The following MALRD1 variants were observed in gnomAD, a reference collection of about 807,000 sequenced individuals.
MALRD1 encodes the protein MAM and LDL-receptor class A domain-containing protein 1.
MALRD1 carries 247 observed loss-of-function variants against 242.1 expected under a neutral mutation model. The observed-to-expected ratio is 1.02, with a 90% confidence interval of 0.92 to 1.13. The LOEUF (loss-of-function observed/expected upper bound fraction) is 1.13. MALRD1 is among the 50% of genes most tolerant of loss of function. The pLI is 0.00. For synonymous variants in MALRD1, 995 were observed against 866.6 expected, an observed-to-expected ratio of 1.15 and a Z score of -2.60; for missense variants, 2,989 against 2,533.1, an observed-to-expected ratio of 1.18 and a Z score of -3.86.
intron 36 of MALRD1, among the ~76,000 whole-genome samples, chr10:19,687,946 ATGTTATGTTATGTTAT>A (rs1376953921): frequency 6.6e-6 from 1 of 150,450 alleles, no homozygotes; most frequent in Admixed American, 6.7e-5. Flanking sequence ...ATGTTATGTT[ATGTTATGTTATGTTAT>A]GTTATGTTAT....
intron 2 of MALRD1, among the ~76,000 whole-genome samples, chr10:19,070,431 T>C (rs1246593946): frequency 2.0e-5 from 3 of 152,146 alleles, no homozygotes; most frequent in African/African-American, 7.2e-5. Flanking sequence ...TCTAAAGATA[T>C]ATCACTTTTT....
intron 38 of MALRD1, among the ~76,000 whole-genome samples, chr10:19,719,221 T>TATATATATATAC (rs1834601505): frequency 2.9e-5 from 2 of 68,846 alleles, no homozygotes; most frequent in African/African-American, 6.5e-5. Flanking sequence ...TACACATACA[T>TATATATATATAC]ACATATATAT....
chr10:19,331,422 T>A lies in MALRD1; in HGVS notation c.3741T>A (p.Asp1247Glu), dbSNP rs1163986467. The A allele has an allele frequency of 2.6e-6, 4 of 1,550,402 alleles. No homozygotes were observed. Among genetic ancestry groups the A allele is most frequent in the Non-Finnish European group, 2.6e-6 (3 of 1,146,718 alleles). ...GISYIGDVAV[D>E]DISFQDCSPL... ...GTTACATAGGAGATGTAGCAGTGGA[T>A]GATATTTCCTTCCAAGATTGCTCCC... Residue 1247 changes from aspartate (D) to glutamate (E), a missense_variant, in exon 24 of 40, where the codon GAT becomes GAA. Coordinates refer to ENST00000454679, the MANE Select transcript of MALRD1 (RefSeq NM_001142308.3).
chr10:19,253,645 C>T (rs1000007395), intron 18 of MALRD1, among the ~76,000 whole-genome samples: 1 of 151,908 alleles, frequency 6.6e-6, no homozygotes, highest in Non-Finnish European at 1.5e-5. Context: ...CATAAGTGGA[C>T]CAAGGCAGTT....
At chr10:19,581,450 A>G (rs1298416839) in intron 33 of MALRD1, among the ~76,000 whole-genome samples, 1 of 149,096 alleles carries the variant, frequency 6.7e-6, no homozygotes, top group Non-Finnish European at 1.5e-5. Context: ...ATTCCCACCT[A>G]TGAATGAGAA....
At chr10:19,337,686 T>A (rs1222055382) in intron 24 of MALRD1, among the ~76,000 whole-genome samples, 1 of 152,162 alleles carries the variant, frequency 6.6e-6, no homozygotes, top group African/African-American at 2.4e-5. Flanking sequence ...TTTATCATCA[T>A]TTTGTAGGTT....
At chr10:19,252,184 A>G (rs1839319370) in intron 18 of MALRD1, among the ~76,000 whole-genome samples, 2 of 152,052 alleles carry the variant, frequency 1.3e-5, no homozygotes, top group Non-Finnish European at 1.5e-5. Context: ...AATAGGGAGG[A>G]CTAGTGTCTG....
intron 38 of MALRD1, among the ~76,000 whole-genome samples, chr10:19,700,033 CA>C (rs1833555467): frequency 2.0e-5 from 3 of 151,354 alleles, no homozygotes; most frequent in Non-Finnish European, 4.4e-5. Context: ...CACACACACA[CA>C]CACACACACA....
chr10:19,454,746 ACAC>A (rs1835552876), intron 29 of MALRD1, among the ~76,000 whole-genome samples: 1 of 146,918 alleles, frequency 6.8e-6, no homozygotes, highest in African/African-American at 2.6e-5. Context: ...ACACACACAC[ACAC>A]ATTATATGTA....
intron 36 of MALRD1, among the ~76,000 whole-genome samples, chr10:19,616,766 A>T (rs1358849976): frequency 6.6e-6 from 1 of 152,034 alleles, no homozygotes; most frequent in Non-Finnish European, 1.5e-5. Flanking sequence ...TCCTAAAAAA[A>T]TTCTACCAAT....
At chr10:19,456,937 T>TA (rs937078835) in intron 29 of MALRD1, among the ~76,000 whole-genome samples, 4 of 151,682 alleles carry the variant, frequency 2.6e-5, no homozygotes, top group Admixed American at 6.6e-5. Context: ...CATGCCCAGC[T>TA]AAAAAAACAA....
intron 38 of MALRD1, among the ~76,000 whole-genome samples, chr10:19,719,229 T>TATACATAC (rs1564567421): frequency 4.4e-5 from 1 of 22,732 alleles, no homozygotes; most frequent in African/African-American, 2.4e-4. Flanking sequence ...CATACATATA[T>TATACATAC]ATATATATAT....
chr10:19,385,325 A>G (rs778755349), intron 26 of MALRD1, among the ~76,000 whole-genome samples: 3 of 152,136 alleles, frequency 2.0e-5, no homozygotes, highest in Non-Finnish European at 2.9e-5. Flanking sequence ...ATTAATGGCA[A>G]TTCTTCTCTG....
At chr10:19,677,352 A>G (rs1354550261) in intron 36 of MALRD1, among the ~76,000 whole-genome samples, 1 of 152,104 alleles carries the variant, frequency 6.6e-6, no homozygotes, top group Non-Finnish European at 1.5e-5. Flanking sequence ...AATAATCTCC[A>G]TTCTGACTGC....
chr10:19,128,578 A>G (rs1011175948), intron 8 of MALRD1, among the ~76,000 whole-genome samples, 191 bp downstream of exon 8: 2 of 152,192 alleles, frequency 1.3e-5, no homozygotes, highest in African/African-American at 2.4e-5. Context: ...AGTTAATGTG[A>G]TAACTTGCCC....
Position 19,209,328 on chromosome 10 carries a change from A to G in MALRD1, c.2639A>G (p.Asp880Gly). The change falls in exon 18 of 40, where the codon GAT becomes GGT. Residue 880 changes from aspartate to glycine, a missense_variant. By Grantham distance (94) the Asp-to-Gly change is moderately conservative. Transcript: ENST00000454679. ...TGTAACTGGGAACAAGATGCAAAAGATGACTTTGATTGGACCAGGAGCCAG... is the reference window on the plus strand; with the variant it reads ...TGTAACTGGGAACAAGATGCAAAAGGTGACTTTGATTGGACCAGGAGCCAG... ...GICNWEQDAK[D>G]DFDWTRSQGP... 1 of 1,549,956 alleles carries G rather than the reference A, an allele frequency of 6.5e-7. No individual in the cohort carries two copies. Among genetic ancestry groups the G allele is most frequent in the Non-Finnish European group, 8.7e-7 (1 of 1,146,762 alleles).
chr10:19,386,663 G>A (rs998074444), intron 26 of MALRD1, among the ~76,000 whole-genome samples: 1 of 151,658 alleles, frequency 6.6e-6, no homozygotes, highest in African/African-American at 2.4e-5. Context: ...TAAGGACCAG[G>A]CACTGTTGTA....
chr10:19,645,743 G>A (rs184618669), intron 36 of MALRD1, among the ~76,000 whole-genome samples: 1,677 of 152,120 alleles, frequency 0.011, 16 homozygotes, highest in Non-Finnish European at 0.018. Context: ...TGGGAGGAGG[G>A]GGGAGGGATA....
At chr10:19,444,451 C>T (rs1005378457) in intron 28 of MALRD1, among the ~76,000 whole-genome samples, 5 of 152,038 alleles carry the variant, frequency 3.3e-5, no homozygotes, top group Non-Finnish European at 7.4e-5. Context: ...TGGTACCAGT[C>T]GTTCTTTCCA....
Sources: gnomAD v4.1 joint callset for allele counts (sites outside exome capture counted in the v4.1 genomes callset) on GRCh38, gnomAD v4.1.1 for gene constraint, MANE v1.5 for transcripts, NCBI Gene and HGNC (gene_info 2026-07-23, HGNC 2026-07-21) for gene names.